CDC42EP3: variants seen among roughly 807,000 people sequenced by gnomAD.
CDC42EP3 encodes the protein CDC42 effector protein (Rho GTPase binding) 3.
In CDC42EP3, 4 loss-of-function variants were observed where a neutral mutation model predicts 15.5. That is an observed-to-expected ratio of 0.26 (90% CI 0.13 to 0.59). CDC42EP3 has a LOEUF of 0.59. CDC42EP3 is among the 20% of genes least tolerant of loss of function. CDC42EP3 has a pLI of 0.89. For synonymous variants in CDC42EP3, 145 were observed against 130.3 expected, an observed-to-expected ratio of 1.11 and a Z score of -0.77; for missense variants, 309 against 311.2, an observed-to-expected ratio of 0.99 and a Z score of 0.05.
At chr2:37,647,003 C>T (rs1649178570) in intron 1 of CDC42EP3, among the ~76,000 whole-genome samples, 181 bp from the exon 2 acceptor site, 1 of 152,186 alleles carries the variant, frequency 6.6e-6, no homozygotes, top group African/African-American at 2.4e-5. Flanking sequence ...AGAGAAAGAC[C>T]TAAAAACCCC....
intron 1 of CDC42EP3, among the ~76,000 whole-genome samples, chr2:37,662,748 T>C (rs1357145298): frequency 6.6e-6 from 1 of 152,072 alleles, no homozygotes; most frequent in Non-Finnish European, 1.5e-5. Context: ...CAACACTCTT[T>C]AGGAAGACAT....
chr2:37,653,822 G>A (rs1665762423), intron 1 of CDC42EP3, among the ~76,000 whole-genome samples: 1 of 152,080 alleles, frequency 6.6e-6, no homozygotes, highest in African/African-American at 2.4e-5. Flanking sequence ...AAACACACAT[G>A]TATAAAAATG....
At chr2:37,647,634 T>C (rs1665519842) in intron 1 of CDC42EP3, 1 of 152,446 alleles carries the variant, frequency 6.6e-6, no homozygotes, top group South Asian at 2.1e-4. Flanking sequence ...GTAGGCAGAA[T>C]TCGAAGGGAG....
chr2:37,669,137 C>G (rs574023236), intron 1 of CDC42EP3, among the ~76,000 whole-genome samples: 120 of 149,794 alleles, frequency 8.0e-4, no homozygotes, highest in African/African-American at 1.7e-3. Flanking sequence ...TCAGAGCAGT[C>G]TTCTTGGAGG....
intron 1 of CDC42EP3, among the ~76,000 whole-genome samples, chr2:37,658,510 TC>T (rs1303165272): frequency 6.6e-6 from 1 of 152,142 alleles, no homozygotes; most frequent in African/African-American, 2.4e-5. Context: ...TCCCTTATAT[TC>T]CAGACTTCTC....
intron 1 of CDC42EP3, among the ~76,000 whole-genome samples, chr2:37,656,895 G>C (rs774199919): frequency 2.7e-5 from 4 of 149,622 alleles, no homozygotes; most frequent in Non-Finnish European, 4.4e-5. Context: ...GGACTTTTCA[G>C]TATTTTTGCT....
intron 1 of CDC42EP3, among the ~76,000 whole-genome samples, chr2:37,661,520 CGGGGCTGGATGAAGCCCACA>C (rs1459911874): frequency 2.0e-5 from 3 of 152,144 alleles, no homozygotes; most frequent in Non-Finnish European, 2.9e-5. Context: ...GACCGAGAGC[CGGGGCTGGATGAAGCCCACA>C]GGAATGAACT....
rs1255842282 is a variant in CDC42EP3, at chr2:37,644,842, T to TATCA, written c.*977_*980dup. 1 of 152,218 alleles carries TATCA rather than the reference T, an allele frequency of 6.6e-6. No homozygotes were observed. The highest frequency in any genetic ancestry group is 2.4e-5 in the African/African-American group (1 of 41,446). The allele number at this position is 152,218 out of a possible 1,614,324, so 9.4% of individuals were successfully genotyped here. The stretch of plus-strand genomic sequence containing the variant: ...TTACTATAAACAAGCAAGTTCACTT[T>TATCA]ATCATTTACTTTTTATTGTGTTGCT... On this transcript the variant is annotated 3_prime_UTR_variant, in exon 2 of 2. Coordinates refer to ENST00000295324, the MANE Select transcript of CDC42EP3 (RefSeq NM_006449.5).
intron 1 of CDC42EP3, among the ~76,000 whole-genome samples, chr2:37,665,344 C>G (rs1666217828): frequency 6.6e-6 from 1 of 152,106 alleles, no homozygotes; most frequent in South Asian, 2.1e-4. Flanking sequence ...GGGATGGAGC[C>G]TGCCCAGAGA....
chr2:37,647,652 G>C (rs1665520626), intron 1 of CDC42EP3: 1 of 152,550 alleles, frequency 6.6e-6, no homozygotes, highest in South Asian at 2.1e-4. Flanking sequence ...GAGCCCCCAT[G>C]ATCTGCCTCC....
At chr2:37,657,467 T>C (rs1252564964) in intron 1 of CDC42EP3, among the ~76,000 whole-genome samples, 1 of 152,208 alleles carries the variant, frequency 6.6e-6, no homozygotes, top group African/African-American at 2.4e-5. Context: ...AAAAGGGCTA[T>C]ACATGAGTGT....
rs187768048 is a variant in CDC42EP3, at chr2:37,671,002, G to C, written c.-236+424C>G. Reference sequence around the variant, plus strand: ...TCCATTAAGAAAGAGGAGGGCACCGGGCAGGCGATGCCACGGCAGAGCTGT... The same window carrying C: ...TCCATTAAGAAAGAGGAGGGCACCGCGCAGGCGATGCCACGGCAGAGCTGT... On this transcript the variant is annotated intron_variant, in intron 1 of 1. Transcript: ENST00000295324. Among the ~76,000 whole-genome samples the C allele has an allele frequency of 6.4e-3, 980 of 152,378 alleles. 6 individuals carry two copies. The highest frequency in any genetic ancestry group is 0.014 in the Middle Eastern group (4 of 294).
intron 1 of CDC42EP3, among the ~76,000 whole-genome samples, chr2:37,650,980 G>C (rs1665655413): frequency 6.6e-6 from 1 of 152,188 alleles, no homozygotes. Context: ...GTTTATAACA[G>C]TCAAGAGTTG....
chr2:37,671,868 T>G (rs1410791481), upstream of CDC42EP3: 4 of 151,438 alleles, frequency 2.6e-5, no homozygotes, highest in African/African-American at 9.7e-5. Context: ...GCGCCCATTG[T>G]TACCTCCCCA....
At chr2:37,654,953 A>G (rs530864621) in intron 1 of CDC42EP3, among the ~76,000 whole-genome samples, 3 of 152,376 alleles carry the variant, frequency 2.0e-5, no homozygotes, top group African/African-American at 7.2e-5. Context: ...TTTAAGTTCA[A>G]TGCTGAATTT....
At position 37,642,557 on chromosome 2, in the gene CDC42EP3, T is replaced by C. The variant is rs577518023; in HGVS notation, c.*3266A>G. 2.6e-5 allele frequency: 4 copies of C among 152,240 alleles called. No homozygotes were observed. The highest frequency in any genetic ancestry group is 2.6e-4 in the Admixed American group (4 of 15,284). 9.4% of individuals were successfully genotyped at this position (152,240 alleles called of 1,614,324 possible). ...AACCTCATTTCCAAAAGAAAAACTC[T>C]TACTGGAGAGAAACCATCATGTTGG... On this transcript the variant is annotated 3_prime_UTR_variant, in exon 2 of 2. Transcript: ENST00000295324.
At chr2:37,647,338 A>ATTCT (rs2124610329) in intron 1 of CDC42EP3, 1 of 152,372 alleles carries the variant, frequency 6.6e-6, no homozygotes, top group Non-Finnish European at 1.5e-5. Flanking sequence ...AGTGGAATAC[A>ATTCT]TTCTTACAGA....
In CDC42EP3 at chr2:37,657,696, T is replaced by G. The variant is rs184751859; in HGVS notation, c.-235-10874A>C. ...TTTTATTAGAACACACCTATGCCTA[T>G]TCATTTATGTACTGTCTACAGCTCA... On this transcript the variant is annotated intron_variant, in intron 1 of 1. Coordinates refer to ENST00000295324, the MANE Select transcript of CDC42EP3 (RefSeq NM_006449.5). Among the ~76,000 whole-genome samples, 61 of 152,342 alleles carry G rather than the reference T, an allele frequency of 4.0e-4. 2 individuals are homozygous for G. Among genetic ancestry groups the G allele is most frequent in the African/African-American group, 1.4e-3 (58 of 41,580 alleles).
intron 1 of CDC42EP3, among the ~76,000 whole-genome samples, chr2:37,665,167 C>A (rs1296188962): frequency 6.6e-6 from 1 of 151,918 alleles, no homozygotes; most frequent in Non-Finnish European, 1.5e-5. Context: ...GTAAGTGTTA[C>A]AATAGGAGAA....
Sources: gnomAD v4.1 joint callset for allele counts (sites outside exome capture counted in the v4.1 genomes callset) on GRCh38, gnomAD v4.1.1 for gene constraint, MANE v1.5 for transcripts, NCBI Gene and HGNC (gene_info 2026-07-23, HGNC 2026-07-21) for gene names.